The following RTKN2 variants were observed in gnomAD, a reference collection of about 807,000 sequenced individuals.
RTKN2 encodes rhotekin 2, also known as rhotekin-2.
In RTKN2, 69 loss-of-function variants were observed where a neutral mutation model predicts 71.5. The observed-to-expected ratio is 0.96, with a 90% CI of 0.79 to 1.18. The LOEUF (loss-of-function observed/expected upper bound fraction) is 1.18, where lower values mean the gene tolerates loss of function less well. Among genes scored for constraint, RTKN2 ranks in the 50% most tolerant of loss-of-function variants. The pLI, the probability that RTKN2 is intolerant of heterozygous loss-of-function variation, is 0.00. For synonymous variants in RTKN2, 236 were observed against 236.5 expected, an observed-to-expected ratio of 1.00 and a Z score of 0.02; for missense variants, 724 against 719.7, an observed-to-expected ratio of 1.01 and a Z score of -0.07.
chr10:62,223,215 A>ATCCT (rs1841946581), intron 7 of RTKN2, 23 bp downstream of exon 7: 2 of 1,320,726 alleles, frequency 1.5e-6, no homozygotes, highest in Non-Finnish European at 2.2e-6. Context: ...ATATGTAATA[A>ATCCT]GTAAAATATA....
At chr10:62,228,035 A>T (rs994845076) in intron 6 of RTKN2, among the ~76,000 whole-genome samples, 1 of 152,220 alleles carries the variant, frequency 6.6e-6, no homozygotes, top group African/African-American at 2.4e-5. Context: ...TGTTTTTGAT[A>T]TCTAGGTGCA....
chr10:62,225,701 AT>A (rs1288735843), intron 6 of RTKN2, among the ~76,000 whole-genome samples: 1 of 151,862 alleles, frequency 6.6e-6, no homozygotes, highest in Non-Finnish European at 1.5e-5. Context: ...AATACCTAGA[AT>A]TTCTCGTGAT....
At chr10:62,191,845 A>T (rs1222703271), downstream of RTKN2, among the ~76,000 whole-genome samples, 1 of 152,204 alleles carries the variant, frequency 6.6e-6, no homozygotes, top group African/African-American at 2.4e-5. Flanking sequence ...ATCAAGCAAG[A>T]AATGAAAATA....
intron 1 of RTKN2, among the ~76,000 whole-genome samples, chr10:62,267,255 G>A (rs927988616): frequency 1.3e-5 from 2 of 152,108 alleles, no homozygotes; most frequent in African/African-American, 4.8e-5. Context: ...CAGGCTTTAT[G>A]TATATTTAAA....
At chr10:62,230,283 T>C (rs1408258117) in intron 6 of RTKN2, among the ~76,000 whole-genome samples, 1 of 152,216 alleles carries the variant, frequency 6.6e-6, no homozygotes, top group African/African-American at 2.4e-5. Context: ...GCGATTCTCC[T>C]GCCTCAGCCT....
rs911169163 is a variant in RTKN2 at position 62,196,073 on chromosome 10, G to C, written c.*1835C>G. ...AAAAAAAAAGAATGCTTAGATGCCA[G>C]CTTCAAAACAATTTTCCCTGCAGCA... On this transcript the variant is annotated 3_prime_UTR_variant, in exon 12 of 12. Coordinates refer to ENST00000373789, the MANE Select transcript of RTKN2 (RefSeq NM_145307.4). 2 of 985,050 alleles carry C rather than the reference G, an allele frequency of 2.0e-6. No homozygotes were observed. The highest frequency in any genetic ancestry group is 1.2e-4 in the Admixed American group (2 of 16,236). The allele number at this position is 985,050 out of a possible 1,614,324, so 61.0% of individuals were successfully genotyped here. A position where few individuals can be genotyped will look rare whatever the true frequency, so the allele number is the denominator to read the frequency against.
chr10:62,256,322 C>T (rs1041953590), intron 2 of RTKN2, among the ~76,000 whole-genome samples: 8 of 152,082 alleles, frequency 5.3e-5, no homozygotes. Context: ...CATTCCTTGC[C>T]GAGGCTCTTC....
At chr10:62,243,812 CATA>C (rs1302235390) in intron 3 of RTKN2, among the ~76,000 whole-genome samples, 2 of 152,086 alleles carry the variant, frequency 1.3e-5, no homozygotes, top group African/African-American at 2.4e-5. Flanking sequence ...CTGGGAGAGT[CATA>C]ATAAGACAGC....
intron 6 of RTKN2, among the ~76,000 whole-genome samples, chr10:62,228,391 C>A (rs930750089): frequency 6.6e-6 from 1 of 152,160 alleles, no homozygotes; most frequent in African/African-American, 2.4e-5. Flanking sequence ...ACTCCAATAA[C>A]TGACAATCAA....
chr10:62,204,481 T>C (rs1395277719), intron 10 of RTKN2, among the ~76,000 whole-genome samples: 1 of 152,206 alleles, frequency 6.6e-6, no homozygotes, highest in Non-Finnish European at 1.5e-5. Flanking sequence ...AATGTTTCAA[T>C]ATTTTAGGAT....
intron 7 of RTKN2, 51 bp downstream of exon 7, chr10:62,223,187 T>C (rs1841945741): frequency 1.9e-6 from 2 of 1,037,800 alleles, no homozygotes; most frequent in Admixed American, 1.9e-5. Context: ...ATACTATAAT[T>C]AGAAATATAG....
At position 62,197,173 on chromosome 10, in the gene RTKN2, A is replaced by C. The variant is rs978845619; in HGVS notation, c.*735T>G. On this transcript the variant is annotated 3_prime_UTR_variant, in exon 12 of 12. Coordinates refer to ENST00000373789, the MANE Select transcript of RTKN2 (RefSeq NM_145307.4). ...TTCCAAAGTCACAATGGAAATTAGC[A>C]CCACACACAGAAAATTGAATGTAAA... 3 of 985,472 alleles carry C rather than the reference A, an allele frequency of 3.0e-6. No homozygotes were observed. Among genetic ancestry groups the C allele is most frequent in the Non-Finnish European group, 3.6e-6 (3 of 829,842 alleles). 61.0% of individuals were successfully genotyped at this position (985,472 alleles called of 1,614,324 possible).
intron 4 of RTKN2, among the ~76,000 whole-genome samples, chr10:62,240,241 G>A (rs1842346159): frequency 9.8e-6 from 1 of 102,194 alleles, no homozygotes; most frequent in South Asian, 3.4e-4. Flanking sequence ...AACAGCAAGG[G>A]AGGAAACCAC....
intron 8 of RTKN2, among the ~76,000 whole-genome samples, chr10:62,184,573 T>C (rs1841105138): frequency 6.6e-6 from 1 of 152,122 alleles, no homozygotes; most frequent in South Asian, 2.1e-4. Flanking sequence ...GGGCTGAAAA[T>C]TCTAAAAGCA....
At position 62,268,710 on chromosome 10, in the gene RTKN2, G is replaced by A. The variant is rs1205733400; in HGVS notation, c.-100C>T. On this transcript the variant is annotated 5_prime_UTR_variant, in exon 1 of 12. In the 5' UTR this introduces an upstream ATG that the reference lacks. Transcript: ENST00000373789. ...CGCAGAGGACGCCAACCGCCCGGCC[G>A]TACCAAGTCCCAGTCGCAGGGGCCG... 3.2e-6 allele frequency: 4 copies of A among 1,269,830 alleles called. No individual in the cohort carries two copies. Among genetic ancestry groups the A allele is most frequent in the South Asian group, 1.4e-5 (1 of 71,544 alleles). The allele number at this position is 1,269,830 out of a possible 1,614,324, so 78.7% of individuals were successfully genotyped here. A position where few individuals can be genotyped will look rare whatever the true frequency, so the allele number is the denominator to read the frequency against.
rs796906663 is a variant in RTKN2, at chr10:62,198,510, GT to G, written c.1295-68del. ...AGCAGTATGTACTTTATCTAAATAAGTTCTTTTCCAAACTAGTATGCTATAT... is the reference window on the plus strand; with the variant it reads ...AGCAGTATGTACTTTATCTAAATAAGTCTTTTCCAAACTAGTATGCTATAT... On this transcript the variant is annotated intron_variant, in intron 11 of 11. Transcript: ENST00000373789. 3.3e-6 allele frequency: 4 copies of G among 1,195,952 alleles called. No individual in the cohort carries two copies. The African/African-American group carries it at 6.2e-5, about 18-fold the overall frequency. 74.1% of individuals were successfully genotyped at this position (1,195,952 alleles called of 1,614,324 possible).
intron 5 of RTKN2, chr10:62,238,967 C>G (rs16917070): frequency 0.02 from 2,988 of 151,952 alleles, 101 homozygotes; most frequent in African/African-American, 0.069. Context: ...GCACATAGAA[C>G]CTTTGAAGGA....
Position 62,236,275 on chromosome 10 carries a change from G to A in RTKN2, c.489-12C>T, listed in dbSNP as rs748848710. On this transcript the variant is annotated splice_polypyrimidine_tract_variant and intron_variant, in intron 5 of 11. Transcript: ENST00000373789. ...GCCCTGCTTCATTACTAAAAACAAG[G>A]GCATTCATAATGTTGGAAATTTAAC... 3.9e-6 allele frequency: 6 copies of A among 1,554,434 alleles called. No homozygotes were observed. Among genetic ancestry groups the A allele is most frequent in the Non-Finnish European group, 3.5e-6 (4 of 1,138,064 alleles).
At chr10:62,223,741 C>A (rs1361238962) in intron 6 of RTKN2, among the ~76,000 whole-genome samples, 1 of 152,112 alleles carries the variant, frequency 6.6e-6, no homozygotes, top group Non-Finnish European at 1.5e-5. Flanking sequence ...TAAAATGATA[C>A]CACCTCTGTG....
Sources: gnomAD v4.1 joint callset for allele counts (sites outside exome capture counted in the v4.1 genomes callset) on GRCh38, gnomAD v4.1.1 for gene constraint, MANE v1.5 for transcripts, NCBI Gene and HGNC (gene_info 2026-07-23, HGNC 2026-07-21) for gene names.